The following ANKFN1 variants were observed in gnomAD, a reference collection of about 807,000 sequenced individuals.
The protein encoded by ANKFN1 is ankyrin repeat and fibronectin type-III domain-containing protein 1.
In ANKFN1, 74 loss-of-function variants were observed where a neutral mutation model predicts 108.7. The ratio of observed to expected loss-of-function variants is 0.68; its 90% CI spans 0.56 to 0.83. ANKFN1 has a LOEUF of 0.83. Ranked by LOEUF, ANKFN1 falls within the 40% of genes least tolerant of loss-of-function variation. The pLI, the probability that ANKFN1 is intolerant of heterozygous loss-of-function variation, is 0.00. For missense variants in ANKFN1, 1,505 were observed against 1,382.3 expected, an observed-to-expected ratio of 1.09 and a Z score of -1.41; for synonymous variants, 547 against 516.2, an observed-to-expected ratio of 1.06 and a Z score of -0.81.
At chr17:56,429,126 A>C (rs1446729164) in intron 8 of ANKFN1, among the ~76,000 whole-genome samples, 1 of 152,178 alleles carries the variant, frequency 6.6e-6, no homozygotes, top group East Asian at 1.9e-4. Context: ...TGGATCTCAC[A>C]TTTTCTTAAG....
intron 1 of ANKFN1, among the ~76,000 whole-genome samples, chr17:56,181,745 T>A (rs568859974): frequency 2.0e-5 from 3 of 152,324 alleles, no homozygotes; most frequent in South Asian, 2.1e-4. Context: ...TGTTTTTATA[T>A]GCTTATGTAT....
At chr17:56,355,699 T>A (rs1336028587) in intron 6 of ANKFN1, among the ~76,000 whole-genome samples, 1 of 152,148 alleles carries the variant, frequency 6.6e-6, no homozygotes, top group South Asian at 2.1e-4. Context: ...GTCATTTTAG[T>A]GGTGCAGGAG....
intron 1 of ANKFN1, among the ~76,000 whole-genome samples, chr17:56,170,799 T>TAC (rs1325475648): frequency 2.5e-4 from 16 of 62,824 alleles, no homozygotes; most frequent in African/African-American, 7.5e-4. Context: ...TATATATATA[T>TAC]ATATATATAC....
rs554203775 is a variant in ANKFN1 at position 56,163,068 on chromosome 17, G to T, written c.-71+9538G>T. Among the ~76,000 whole-genome samples, 72 of 151,516 alleles carry T rather than the reference G, an allele frequency of 4.8e-4. 1 individual carries two copies. The highest frequency in any genetic ancestry group is 1.6e-3 in the African/African-American group (67 of 41,312). The stretch of plus-strand genomic sequence containing the variant: ...AAAAGAAAAAAAGAAAAAAAAAAGA[G>T]TAATCACTTAGTAAAGTCTACAGAG... On this transcript the variant is annotated intron_variant, in intron 1 of 20. Transcript: ENST00000682825.
intron 1 of ANKFN1, among the ~76,000 whole-genome samples, chr17:56,209,782 A>G (rs536258666): frequency 6.6e-6 from 1 of 152,208 alleles, no homozygotes; most frequent in South Asian, 2.1e-4. Context: ...AGCAGTGTAC[A>G]CTGTACCCAA....
chr17:56,224,996 C>G (rs183809264), intron 2 of ANKFN1: 1 of 152,340 alleles, frequency 6.6e-6, no homozygotes, highest in African/African-American at 2.4e-5. Flanking sequence ...CACATCTCCC[C>G]TGAGGTGGGA....
chr17:56,182,823 G>A (rs1030574278), intron 1 of ANKFN1, among the ~76,000 whole-genome samples: 5 of 152,156 alleles, frequency 3.3e-5, no homozygotes, highest in African/African-American at 7.2e-5. Context: ...CAACTCTCTC[G>A]TTAGAGGCCA....
chr17:56,442,818 G>A, intron 9 of ANKFN1, 25 bp from the exon 10 acceptor site: 1 of 1,602,174 alleles, frequency 6.2e-7, no homozygotes, highest in Non-Finnish European at 8.5e-7. Flanking sequence ...TAAAATGCCT[G>A]ATGCATCATT....
intron 1 of ANKFN1, among the ~76,000 whole-genome samples, chr17:56,174,606 C>T (rs1910961251): frequency 6.6e-6 from 1 of 152,118 alleles, no homozygotes; most frequent in African/African-American, 2.4e-5. Context: ...TGCTAAGGGT[C>T]CTATAATTAG....
upstream of ANKFN1, chr17:56,153,403 T>A (rs905314749): frequency 7.0e-7 from 1 of 1,428,594 alleles, no homozygotes; most frequent in African/African-American, 1.4e-5. Flanking sequence ...TCTCCCTGGA[T>A]AAAGCCAGGG....
chr17:56,211,441 A>G (rs995952350), intron 1 of ANKFN1, among the ~76,000 whole-genome samples: 12 of 152,248 alleles, frequency 7.9e-5, no homozygotes, highest in African/African-American at 2.6e-4. Context: ...CTGGCTTCTC[A>G]ATTCTGTTCC....
chr17:56,151,740 C>T (rs760244157), upstream of ANKFN1, among the ~76,000 whole-genome samples: 5 of 152,116 alleles, frequency 3.3e-5, no homozygotes, highest in Non-Finnish European at 5.9e-5. Flanking sequence ...GCATTACTTC[C>T]GTTACTCTCA....
At chr17:56,194,641 A>G (rs958782520) in intron 1 of ANKFN1, among the ~76,000 whole-genome samples, 5 of 152,134 alleles carry the variant, frequency 3.3e-5, no homozygotes, top group African/African-American at 1.2e-4. Context: ...AGGTAGTAAT[A>G]CTCTGTATGA....
intron 8 of ANKFN1, among the ~76,000 whole-genome samples, chr17:56,425,718 G>A (rs779959089): frequency 6.6e-6 from 1 of 152,152 alleles, no homozygotes; most frequent in Non-Finnish European, 1.5e-5. Flanking sequence ...AGTCTGCCAG[G>A]AGCCAGCCTG....
At chr17:56,477,956 T>A (rs2145353155) in intron 16 of ANKFN1, among the ~76,000 whole-genome samples, 1 of 152,218 alleles carries the variant, frequency 6.6e-6, no homozygotes, top group Non-Finnish European at 1.5e-5. Context: ...GCCTCCCAAG[T>A]AGCTGGGATT....
intron 20 of ANKFN1, among the ~76,000 whole-genome samples, chr17:56,503,953 T>C (rs1156512848): frequency 1.3e-5 from 2 of 152,142 alleles, no homozygotes; most frequent in African/African-American, 4.8e-5. Flanking sequence ...CCTACAGTGG[T>C]TAATGGAGCA....
intron 3 of ANKFN1, among the ~76,000 whole-genome samples, chr17:56,231,930 C>T (rs977288659): frequency 6.6e-6 from 1 of 152,070 alleles, no homozygotes; most frequent in African/African-American, 2.4e-5. Flanking sequence ...CATCTTCTCT[C>T]GAAGCCCTTC....
chr17:56,234,171 C>T (rs187841140), intron 3 of ANKFN1, among the ~76,000 whole-genome samples: 2 of 152,170 alleles, frequency 1.3e-5, no homozygotes, highest in East Asian at 1.9e-4. Context: ...TTTCAAGTTA[C>T]CAACATGATG....
chr17:56,346,369 C>G (rs534153232), intron 4 of ANKFN1, among the ~76,000 whole-genome samples: 22 of 152,066 alleles, frequency 1.4e-4, no homozygotes, highest in Middle Eastern at 3.4e-3. Flanking sequence ...CTTGGCTATA[C>G]GGGCTCTTTT....
Sources: allele counts gnomAD v4.1 joint callset (sites outside exome capture counted in the v4.1 genomes callset), GRCh38; gene constraint gnomAD v4.1.1; transcripts MANE v1.5; gene names NCBI Gene and HGNC (gene_info 2026-07-23, HGNC 2026-07-21).